The following CACHD1 variants were observed in gnomAD, a reference collection of about 807,000 sequenced individuals.
CACHD1 encodes the protein cache domain containing 1.
A neutral mutation model predicts 138.7 loss-of-function variants in CACHD1; 71 were observed. That is an observed-to-expected ratio of 0.51 (90% CI 0.42 to 0.62). The LOEUF is 0.62. Ranked by LOEUF, CACHD1 falls within the 20% of genes least tolerant of loss-of-function variation. The pLI is 0.00. For missense variants in CACHD1, 1,389 were observed against 1,625.3 expected (o/e 0.85, Z 2.50); for synonymous variants, 578 against 591.5 (o/e 0.98, Z 0.33).
intron 4 of CACHD1, among the ~76,000 whole-genome samples, chr1:64,627,861 G>A (rs1648165211): frequency 6.6e-6 from 1 of 152,110 alleles, no homozygotes; most frequent in Non-Finnish European, 1.5e-5. Flanking sequence ...CGGGGGACAA[G>A]GCCAACCAAG....
intron 4 of CACHD1, among the ~76,000 whole-genome samples, chr1:64,607,302 A>T (rs994785784): frequency 6.6e-6 from 1 of 152,176 alleles, no homozygotes; most frequent in African/African-American, 2.4e-5. Flanking sequence ...TGTTGCAAGA[A>T]AGAGGGAGAG....
intron 4 of CACHD1, among the ~76,000 whole-genome samples, chr1:64,626,960 A>C (rs1260576648): frequency 6.6e-6 from 1 of 151,076 alleles, no homozygotes; most frequent in South Asian, 2.1e-4. Context: ...TTTTCTCCTT[A>C]CCTCCATTCC....
intron 3 of CACHD1, among the ~76,000 whole-genome samples, chr1:64,592,434 A>G (rs1647113942): frequency 6.6e-6 from 1 of 152,224 alleles, no homozygotes; most frequent in African/African-American, 2.4e-5. Flanking sequence ...ATGTCATAAA[A>G]GAAATCCAAA....
intron 12 of CACHD1, among the ~76,000 whole-genome samples, chr1:64,655,369 A>G (rs1467120420): frequency 6.6e-6 from 1 of 152,112 alleles, no homozygotes; most frequent in Non-Finnish European, 1.5e-5. Context: ...TTTAATGGCT[A>G]TATAGGATTG....
At chr1:64,603,396 G>A (rs1339159863) in intron 4 of CACHD1, among the ~76,000 whole-genome samples, 1 of 151,938 alleles carries the variant, frequency 6.6e-6, no homozygotes, top group African/African-American at 2.4e-5. Context: ...GAGCCACCAC[G>A]CCCGGCCAAT....
rs781283165 is a variant in CACHD1, at chr1:64,632,763, C to T, written c.789+20C>T. 5.6e-6 allele frequency: 9 copies of T among 1,613,650 alleles called. No homozygotes were observed. The highest frequency in any genetic ancestry group is 3.3e-4 in the Middle Eastern group (2 of 6,038). On this transcript the variant is annotated intron_variant, in intron 6 of 26. Transcript: ENST00000651257. ...GACAAGGTGACCATGACCCTTGTGA[C>T]CCCTATGGCATCAGGTTCTCCTTGA...
intron 1 of CACHD1, among the ~76,000 whole-genome samples, chr1:64,529,689 C>T (rs913355463): frequency 3.3e-5 from 5 of 152,200 alleles, no homozygotes; most frequent in Non-Finnish European, 7.3e-5. Flanking sequence ...CCCTTGGCCA[C>T]TCAGCTAGTA....
At chr1:64,575,647 A>G (rs918080148) in intron 2 of CACHD1, among the ~76,000 whole-genome samples, 32 of 152,188 alleles carry the variant, frequency 2.1e-4, no homozygotes, top group African/African-American at 7.5e-4. Context: ...TTTGCTATGA[A>G]TCTTCAGTCC....
Position 64,647,680 on chromosome 1 carries a change from G to C in CACHD1, c.1157-121G>C, listed in dbSNP as rs1648953117. ...TGTGTCCAGAGTCTATGTGGTCTCT[G>C]CAAAAACCCCTTTGGTATTACAAGA... On this transcript the variant is annotated intron_variant, in intron 8 of 26. Transcript: ENST00000651257. 40 of 757,396 alleles carry C rather than the reference G, an allele frequency of 5.3e-5. No individual in the cohort carries two copies. The South Asian group carries it at 7.3e-4, about 14-fold the overall frequency. The allele number at this position is 757,396 out of a possible 1,614,324, so 46.9% of individuals were successfully genotyped here.
At chr1:64,510,152 G>A (rs914069673) in intron 1 of CACHD1, among the ~76,000 whole-genome samples, 2 of 152,204 alleles carry the variant, frequency 1.3e-5, no homozygotes, top group Admixed American at 1.3e-4. Flanking sequence ...GTGACCAGCT[G>A]CGTGAACCTG....
chr1:64,678,667 T>G (rs1272600202), intron 23 of CACHD1, among the ~76,000 whole-genome samples: 3 of 152,196 alleles, frequency 2.0e-5, no homozygotes, highest in African/African-American at 7.2e-5. Flanking sequence ...GTATGTCTAG[T>G]GCCTGCTAAA....
intron 2 of CACHD1, among the ~76,000 whole-genome samples, chr1:64,578,670 A>G (rs980341522): frequency 6.6e-6 from 1 of 152,204 alleles, no homozygotes; most frequent in East Asian, 1.9e-4. Flanking sequence ...TCATGCCACA[A>G]CTTGGGCTGG....
At chr1:64,595,931 G>A (rs1647147339) in intron 3 of CACHD1, among the ~76,000 whole-genome samples, 1 of 152,184 alleles carries the variant, frequency 6.6e-6, no homozygotes, top group Non-Finnish European at 1.5e-5. Flanking sequence ...ATCTGGCTGA[G>A]TTGCTGAACC....
At chr1:64,659,272 AG>A (rs1156255964) in intron 13 of CACHD1, among the ~76,000 whole-genome samples, 1 of 152,188 alleles carries the variant, frequency 6.6e-6, no homozygotes, top group Non-Finnish European at 1.5e-5. Context: ...CACATTTCTT[AG>A]TCACTTTCAA....
At chr1:64,627,515 C>G (rs140345659) in intron 4 of CACHD1, among the ~76,000 whole-genome samples, 4 of 152,078 alleles carry the variant, frequency 2.6e-5, no homozygotes, top group African/African-American at 9.7e-5. Context: ...ACAGAGTAGA[C>G]CATCGTCTTA....
chr1:64,486,583 G>A (rs1646244722), intron 1 of CACHD1, among the ~76,000 whole-genome samples: 1 of 152,172 alleles, frequency 6.6e-6, no homozygotes. Context: ...AATCCAGGGT[G>A]TATAGAAATC....
rs990789200 is a variant in CACHD1, at chr1:64,477,682, C to T, written c.198+6740C>T. On this transcript the variant is annotated intron_variant, in intron 1 of 26. Coordinates refer to ENST00000651257, the MANE Select transcript of CACHD1 (RefSeq NM_020925.4). ...TCGCTCTGTCGCCCAGGCCGGACTG[C>T]GGACTGCAGTGGCACAATTTCGGCT... Among the ~76,000 whole-genome samples, 10 of 149,614 alleles carry T rather than the reference C, an allele frequency of 6.7e-5. No homozygotes were observed. The East Asian group carries it at 2.0e-3, about 29-fold the overall frequency.
At chr1:64,587,971 C>G (rs987458480) in intron 3 of CACHD1, among the ~76,000 whole-genome samples, 1 of 151,698 alleles carries the variant, frequency 6.6e-6, no homozygotes, top group Non-Finnish European at 1.5e-5. Flanking sequence ...TCTCTCCTCT[C>G]TTGAAAAATC....
rs565918133 is a variant in CACHD1 at position 64,665,366 on chromosome 1, G to C, written c.2276+687G>C. On this transcript the variant is annotated intron_variant, in intron 15 of 26. Coordinates refer to ENST00000651257, the MANE Select transcript of CACHD1 (RefSeq NM_020925.4). The stretch of plus-strand genomic sequence containing the variant: ...TCCCAGCTACTCAGGAGGCTGAGGT[G>C]GGAGAATTGCTTACGCCTAGGAGTT... Among the ~76,000 whole-genome samples, 49 of 152,032 alleles carry C rather than the reference G, an allele frequency of 3.2e-4. 1 individual carries two copies. Among genetic ancestry groups the C allele is most frequent in the African/African-American group, 1.1e-3 (47 of 41,500 alleles).
Sources: gnomAD v4.1 joint callset for allele counts (sites outside exome capture counted in the v4.1 genomes callset) on GRCh38, gnomAD v4.1.1 for gene constraint, MANE v1.5 for transcripts, NCBI Gene and HGNC (gene_info 2026-07-23, HGNC 2026-07-21) for gene names.